The following STRBP variants were observed in gnomAD, a reference collection of about 807,000 sequenced individuals.
STRBP encodes the protein spermatid perinuclear RNA-binding protein.
A neutral mutation model predicts 80.1 loss-of-function variants in STRBP; 13 were observed. The observed-to-expected ratio is 0.16, with a 90% CI of 0.11 to 0.26. STRBP has a LOEUF of 0.26. Ranked by LOEUF, STRBP falls within the 10% of genes least tolerant of loss-of-function variation. STRBP has a pLI of 1.00. For missense variants in STRBP, 485 were observed against 815.2 expected, an observed-to-expected ratio of 0.59 and a Z score of 4.93; for synonymous variants, 284 against 291.2, an observed-to-expected ratio of 0.98 and a Z score of 0.25.
chr9:123,229,374 T>C (rs1588133716), intron 2 of STRBP, among the ~76,000 whole-genome samples: 1 of 152,140 alleles, frequency 6.6e-6, no homozygotes, highest in East Asian at 1.9e-4. Flanking sequence ...AGAGGGATCA[T>C]ATGAGGAAGG....
chr9:123,114,756 C>G (rs1193185274), intron 3 of STRBP: 1 of 203,152 alleles, frequency 4.9e-6, no homozygotes, highest in Non-Finnish European at 1.1e-5. Flanking sequence ...CCCTCTATTG[C>G]CCACTGAGCA....
At chr9:123,155,843 A>G (rs2037260240) in intron 11 of STRBP, among the ~76,000 whole-genome samples, 1 of 152,162 alleles carries the variant, frequency 6.6e-6, no homozygotes, top group African/African-American at 2.4e-5. Context: ...TAAGGAAATC[A>G]CCGAGAATAA....
At chr9:123,246,651 T>G (rs1483792643) in intron 1 of STRBP, among the ~76,000 whole-genome samples, 3 of 152,224 alleles carry the variant, frequency 2.0e-5, no homozygotes, top group Non-Finnish European at 4.4e-5. Context: ...AACATTAAAG[T>G]GATAAGGCCA....
chr9:123,180,854 CTG>C, intron 3 of STRBP: 3 of 874,498 alleles, frequency 3.4e-6, no homozygotes, highest in Non-Finnish European at 4.1e-6. Context: ...GCTGGTTATA[CTG>C]TCTTTACTTA....
At chr9:123,155,401 T>G (rs777062895) in intron 11 of STRBP, among the ~76,000 whole-genome samples, 3 of 152,128 alleles carry the variant, frequency 2.0e-5, no homozygotes, top group Non-Finnish European at 4.4e-5. Flanking sequence ...CCAACCATGT[T>G]GAGCAACCCA....
chr9:123,247,808 A>T (rs2040829058), intron 1 of STRBP, among the ~76,000 whole-genome samples: 1 of 152,234 alleles, frequency 6.6e-6, no homozygotes, highest in African/African-American at 2.4e-5. Flanking sequence ...CTCCACACGG[A>T]TGGAGAATTT....
Position 123,122,127 on chromosome 9 carries a change from T to C in STRBP, c.*3470A>G. 3.8e-6 allele frequency: 1 copy of C among 262,558 alleles called. No individual in the cohort carries two copies. The highest frequency in any genetic ancestry group is 7.4e-6 in the Non-Finnish European group (1 of 135,392). 16.3% of individuals were successfully genotyped at this position (262,558 alleles called of 1,614,324 possible). On this transcript the variant is annotated 3_prime_UTR_variant, in exon 19 of 19. Transcript: ENST00000348403. The stretch of plus-strand genomic sequence containing the variant: ...AAGAGATCAAATACATCATATATGA[T>C]TGTCATATATGCATGTTGTCTTAAT...
intron 2 of STRBP, among the ~76,000 whole-genome samples, chr9:123,192,893 C>T (rs191685137): frequency 1.3e-5 from 2 of 152,284 alleles, no homozygotes; most frequent in Non-Finnish European, 2.9e-5. Flanking sequence ...TATTCAGTGG[C>T]ATCCAAGGTC....
intron 2 of STRBP, among the ~76,000 whole-genome samples, chr9:123,216,289 T>C (rs1187849123): frequency 1.3e-5 from 2 of 152,248 alleles, no homozygotes; most frequent in Non-Finnish European, 2.9e-5. Flanking sequence ...AGAAGGCAGA[T>C]ACTGTGTTTT....
chr9:123,187,693 T>G (rs111856354), intron 2 of STRBP, among the ~76,000 whole-genome samples: 3,576 of 152,184 alleles, frequency 0.023, 65 homozygotes, highest in Non-Finnish European at 0.038. Flanking sequence ...TAGAGCAGCT[T>G]TAGGTTTATA....
At chr9:123,249,039 G>A (rs1296273971) in intron 1 of STRBP, among the ~76,000 whole-genome samples, 1 of 152,178 alleles carries the variant, frequency 6.6e-6, no homozygotes, top group Non-Finnish European at 1.5e-5. Flanking sequence ...TAAGACTAAG[G>A]CTTAAGTAGC....
chr9:123,224,829 C>T (rs2040183549), intron 2 of STRBP, among the ~76,000 whole-genome samples: 1 of 152,166 alleles, frequency 6.6e-6, no homozygotes, highest in South Asian at 2.1e-4. Context: ...GCTGAACATA[C>T]ACAGAACCCA....
At chr9:123,231,381 C>T (rs1564322527) in intron 2 of STRBP, among the ~76,000 whole-genome samples, 1 of 152,134 alleles carries the variant, frequency 6.6e-6, no homozygotes, top group Non-Finnish European at 1.5e-5. Flanking sequence ...TCTCTTGTTC[C>T]TTTCTGGTCT....
At chr9:123,144,517 A>G (rs1477739295) in intron 13 of STRBP, among the ~76,000 whole-genome samples, 1 of 152,180 alleles carries the variant, frequency 6.6e-6, no homozygotes, top group African/African-American at 2.4e-5. Context: ...ATTTGCATCA[A>G]ACTTAGGGAA....
chr9:123,160,239 TG>T, intron 8 of STRBP, 127 bp downstream of exon 8: 1 of 525,966 alleles, frequency 1.9e-6, no homozygotes. Flanking sequence ...TTTTTTTTCA[TG>T]GCAAACATAC....
intron 17 of STRBP, among the ~76,000 whole-genome samples, chr9:123,132,112 A>T (rs767613148): frequency 6.6e-6 from 1 of 152,188 alleles, no homozygotes; most frequent in Non-Finnish European, 1.5e-5. Flanking sequence ...CATTCTCCCA[A>T]ATCTTCTTTA....
intron 2 of STRBP, among the ~76,000 whole-genome samples, chr9:123,190,888 G>A (rs1226106456): frequency 6.6e-6 from 1 of 152,162 alleles, no homozygotes; most frequent in Non-Finnish European, 1.5e-5. Flanking sequence ...TGCCTTATGT[G>A]ACAAAACAAC....
intron 1 of STRBP, among the ~76,000 whole-genome samples, chr9:123,254,099 T>C (rs2040972104): frequency 6.6e-6 from 1 of 152,056 alleles, no homozygotes. Context: ...TTAGGTGTAA[T>C]AACACCCAAT....
intron 6 of STRBP, 152 bp from the exon 7 acceptor site, chr9:123,161,220 T>C: frequency 1.7e-6 from 1 of 591,254 alleles, no homozygotes; most frequent in Non-Finnish European, 2.9e-6. Flanking sequence ...TGTTGCTTTT[T>C]AAAAAAATTA....
Sources: allele counts gnomAD v4.1 joint callset (sites outside exome capture counted in the v4.1 genomes callset), GRCh38; gene constraint gnomAD v4.1.1; transcripts MANE v1.5; gene names NCBI Gene and HGNC (gene_info 2026-07-23, HGNC 2026-07-21).